Variants in LPCAT1 observed in about 807,000 individuals in gnomAD.
LPCAT1 encodes 1-acylglycerol-3-phosphate O-acyltransferase.
Under a neutral mutation model 60.9 loss-of-function variants are expected in LPCAT1, and 23 were observed. The ratio of observed to expected loss-of-function variants is 0.38; its 90% CI spans 0.27 to 0.53. LPCAT1 has a LOEUF of 0.53. Among genes scored for constraint, LPCAT1 ranks in the 20% least tolerant of loss-of-function variants. The pLI is 0.82. For synonymous variants in LPCAT1, 340 were observed against 301.1 expected (o/e 1.13, Z -1.34); for missense variants, 622 against 723.6 (o/e 0.86, Z 1.61).
intron 1 of LPCAT1, among the ~76,000 whole-genome samples, chr5:1,514,130 G>A (rs148565385): frequency 1.4e-3 from 219 of 152,338 alleles, no homozygotes; most frequent in Middle Eastern, 0.01. Flanking sequence ...CACCACCAGC[G>A]GCTGGGGAGA....
At chr5:1,464,616 GCA>G (rs749821399) in intron 13 of LPCAT1, among the ~76,000 whole-genome samples, 40 of 148,118 alleles carry the variant, frequency 2.7e-4, no homozygotes, top group African/African-American at 4.5e-4. Context: ...CACAAAACAA[GCA>G]CACACACGGT....
rs774575491 is a variant in LPCAT1 at position 1,463,732 on chromosome 5, T to A, written c.1524A>T (p.Pro508=). 33 of 1,614,124 alleles carry A rather than the reference T, an allele frequency of 2.0e-5. No individual in the cohort carries two copies. Among genetic ancestry groups the A allele is most frequent in the Non-Finnish European group, 2.7e-5 (32 of 1,180,050 alleles). The change falls in exon 14 of 14, where the codon CCA becomes CCT. Residue 508 remains proline, a synonymous_variant. Transcript: ENST00000283415. The stretch of plus-strand genomic sequence containing the variant: ...AATCGGCACAGAAGCCGTTTGGGAT[T>A]GGCGCAGGTGAGGTCTCTGCACAGC... The part of the protein sequence containing the change: ...FESCAETSPA[P]IPNGFCADFS...
intron 1 of LPCAT1, among the ~76,000 whole-genome samples, chr5:1,517,279 G>A (rs1181899326): frequency 6.6e-6 from 1 of 152,160 alleles, no homozygotes. Context: ...GTGGGGATGA[G>A]GGCCCTGGAA....
chr5:1,486,849 G>A (rs1423817456), intron 5 of LPCAT1, among the ~76,000 whole-genome samples: 3 of 152,186 alleles, frequency 2.0e-5, no homozygotes, highest in South Asian at 2.1e-4. Context: ...AAATGGAGAC[G>A]GGGAAAGGAT....
At chr5:1,482,043 T>C (rs781758776) in intron 6 of LPCAT1, among the ~76,000 whole-genome samples, 2 of 152,204 alleles carry the variant, frequency 1.3e-5, no homozygotes, top group Admixed American at 6.5e-5. Flanking sequence ...GGAACTGCTA[T>C]AGACGGGAAG....
chr5:1,494,989 C>T (rs1735732020), intron 2 of LPCAT1, 75 bp from the exon 3 acceptor site: 2 of 1,386,676 alleles, frequency 1.4e-6, no homozygotes, highest in African/African-American at 2.9e-5. Flanking sequence ...AGGGGCGGTC[C>T]CACGGGAGAG....
At position 1,480,379 on chromosome 5, in the gene LPCAT1, C is replaced by T. The variant is rs115783298; in HGVS notation, c.761+563G>A. 668 of 985,364 alleles carry T rather than the reference C, an allele frequency of 6.8e-4. 1 individual carries two copies. In the African/African-American group the frequency reaches 9.3e-3, roughly 14 times the overall value. The allele number at this position is 985,364 out of a possible 1,614,324, so 61.0% of individuals were successfully genotyped here. On this transcript the variant is annotated intron_variant, in intron 7 of 13. Coordinates refer to ENST00000283415, the MANE Select transcript of LPCAT1 (RefSeq NM_024830.5). This position sits in a 1 kb window ranked among gnomAD's most constrained non-coding sequence, Gnocchi z 6.4. ...GGAGCTGCTCTCTCTTGGACTTTCC[C>T]GCTCCCTCTGCCCTCCCGACGTCAG...
At chr5:1,491,533 G>C (rs1735582498) in intron 3 of LPCAT1, among the ~76,000 whole-genome samples, 1 of 152,152 alleles carries the variant, frequency 6.6e-6, no homozygotes, top group Admixed American at 6.5e-5. Flanking sequence ...GTGAAGTCTT[G>C]GGCCGTGCGT....
Position 1,502,370 on chromosome 5 carries a change from G to A in LPCAT1, c.136-767C>T, listed in dbSNP as rs1325863532. Among the ~76,000 whole-genome samples, 1 of 152,222 alleles carries A rather than the reference G, an allele frequency of 6.6e-6. No individual in the cohort carries two copies. The highest frequency in any genetic ancestry group is 1.5e-5 in the Non-Finnish European group (1 of 68,038). ...GCCACCCTAGGCAGTGTTGGTGACAGGGGGAGGTAGCTGGCCTGCAGTTTG... is the reference window on the plus strand; with the variant it reads ...GCCACCCTAGGCAGTGTTGGTGACAAGGGGAGGTAGCTGGCCTGCAGTTTG... On this transcript the variant is annotated intron_variant, in intron 1 of 13. Transcript: ENST00000283415. The surrounding 1 kb of genome is among the most constrained non-coding windows in gnomAD (Gnocchi z 5.5).
At position 1,501,515 on chromosome 5, in the gene LPCAT1, G is replaced by A. The variant is rs1231859689; in HGVS notation, c.224C>T (p.Ala75Val). Residue 75 changes from alanine to valine, a missense_variant, in exon 2 of 14, where the codon GCA (alanine) becomes GTA (valine). Coordinates refer to ENST00000283415, the MANE Select transcript of LPCAT1 (RefSeq NM_024830.5). ...MLLAWPLALV[A>V]SLGSAEKEPE... ...TTCCTTCTCCGCAGAGCCCAGGGAT[G>A]CGACAAGTGCGAGGGGCCAGGCCAG... The A allele has an allele frequency of 3.1e-6, 5 of 1,613,820 alleles. No homozygotes were observed. In the East Asian group the frequency reaches 6.7e-5, roughly 22 times the overall value.
chr5:1,484,004 C>T (rs540134562), intron 5 of LPCAT1, among the ~76,000 whole-genome samples: 11 of 152,250 alleles, frequency 7.2e-5, no homozygotes, highest in Non-Finnish European at 1.6e-4. Context: ...ACCCACCTGA[C>T]GGGGTTAGGG....
chr5:1,493,423 GT>G (rs1735663013), intron 3 of LPCAT1, among the ~76,000 whole-genome samples: 1 of 152,216 alleles, frequency 6.6e-6, no homozygotes, highest in South Asian at 2.1e-4. Flanking sequence ...TACTGAATGT[GT>G]CCCCCCAGAT....
chr5:1,465,454 A>G (rs2963290), intron 13 of LPCAT1, among the ~76,000 whole-genome samples: 109,661 of 149,042 alleles, frequency 0.74, 40,395 homozygotes, highest in South Asian at 0.84. Flanking sequence ...AGGTACACAC[A>G]GTAACTAAAC....
chr5:1,493,671 A>G (rs556723263), intron 3 of LPCAT1, among the ~76,000 whole-genome samples: 2 of 152,276 alleles, frequency 1.3e-5, no homozygotes, highest in South Asian at 4.1e-4. Context: ...TGCCCTGAAG[A>G]GCACCGAGGA....
chr5:1,496,632 G>A lies in LPCAT1; in HGVS notation c.279-1718C>T, dbSNP rs959383246. Among the ~76,000 whole-genome samples, 3 of 152,194 alleles carry A rather than the reference G, an allele frequency of 2.0e-5. No homozygotes were observed. Among genetic ancestry groups the A allele is most frequent in the South Asian group, 2.1e-4 (1 of 4,824 alleles). ...GGCCCTTAGAGGAACACACCTGCCA[G>A]CCCCGAAATCGAATTGCAGGGACAG... On this transcript the variant is annotated intron_variant, in intron 2 of 13. Coordinates refer to ENST00000283415, the MANE Select transcript of LPCAT1 (RefSeq NM_024830.5). The surrounding 1 kb of genome is among the most constrained non-coding windows in gnomAD (Gnocchi z 4.7).
intron 1 of LPCAT1, among the ~76,000 whole-genome samples, chr5:1,519,732 C>T (rs1176443614): frequency 6.6e-6 from 1 of 152,256 alleles, no homozygotes; most frequent in Non-Finnish European, 1.5e-5. Flanking sequence ...GCTTGGGCCT[C>T]TACTGGGCCA....
At chr5:1,489,334 C>T (rs1006414645) in intron 4 of LPCAT1, among the ~76,000 whole-genome samples, 2 of 152,230 alleles carry the variant, frequency 1.3e-5, no homozygotes, top group Admixed American at 1.3e-4. Flanking sequence ...GCTGCCCCTA[C>T]AGCTGGGTTC....
chr5:1,493,985 C>T (rs1470491002), intron 3 of LPCAT1, among the ~76,000 whole-genome samples: 2 of 152,254 alleles, frequency 1.3e-5, no homozygotes, highest in Admixed American at 6.5e-5. Context: ...AGGGACGCAG[C>T]CCCCAGAGGA....
At chr5:1,465,162 G>C (rs1469795851) in intron 13 of LPCAT1, among the ~76,000 whole-genome samples, 1 of 135,878 alleles carries the variant, frequency 7.4e-6, no homozygotes, top group Non-Finnish European at 1.5e-5. Flanking sequence ...AACTAAACAT[G>C]CATGCACACA....
Sources: gnomAD v4.1 joint callset for allele counts (sites outside exome capture counted in the v4.1 genomes callset) on GRCh38, gnomAD v4.1.1 for gene constraint, Gnocchi (gnomAD v3.1) non-coding constraint, MANE v1.5 for transcripts, NCBI Gene and HGNC (gene_info 2026-07-23, HGNC 2026-07-21) for gene names.